The following TBCE variants were observed in gnomAD, a reference collection of about 807,000 sequenced individuals.
The protein encoded by TBCE is tubulin folding cofactor E.
Under a neutral mutation model 77.0 loss-of-function variants are expected in TBCE, and 53 were observed. That is an observed-to-expected ratio of 0.69 (90% CI 0.55 to 0.87). The LOEUF is 0.87. Ranked by LOEUF, TBCE falls within the 40% of genes least tolerant of loss-of-function variation. The pLI is 0.00. For missense variants in TBCE, 624 were observed against 622.4 expected (o/e 1.00, Z -0.03); for synonymous variants, 235 against 241.3 (o/e 0.97, Z 0.24).
intron 2 of TBCE, among the ~76,000 whole-genome samples, chr1:235,391,600 CTTTTTTTTTTTTT>C (rs58265980): frequency 2.3e-5 from 2 of 85,398 alleles, no homozygotes; most frequent in African/African-American, 1.0e-4. Context: ...GCTTCATTTC[CTTTTTTTTTTTTT>C]TTTTTTTTTT....
intron 2 of TBCE, among the ~76,000 whole-genome samples, chr1:235,390,132 A>G (rs917083813): frequency 5.3e-5 from 8 of 152,092 alleles, no homozygotes; most frequent in African/African-American, 1.9e-4. Flanking sequence ...TCAAAAAAAA[A>G]AAGAAAAAGA....
At chr1:235,408,631 C>T (rs1249875058) in intron 3 of TBCE, among the ~76,000 whole-genome samples, 1 of 152,148 alleles carries the variant, frequency 6.6e-6, no homozygotes, top group Non-Finnish European at 1.5e-5. Context: ...GAGCAGTCTA[C>T]AGCAAGGTGC....
intron 8 of TBCE, among the ~76,000 whole-genome samples, chr1:235,434,508 T>G (rs1468287514): frequency 6.6e-6 from 1 of 151,872 alleles, no homozygotes; most frequent in Admixed American, 6.6e-5. Context: ...ATATTAGTTT[T>G]GCATCAGTGT....
Position 235,367,579 on chromosome 1 carries a change from C to T in TBCE, c.-32+75C>T, listed in dbSNP as rs1263265701. On this transcript the variant is annotated intron_variant, in intron 1 of 16. Transcript: ENST00000642610. ...TGCGTCACCCTGCAGTGCTCTTGGC[C>T]TTTTCTTCCTTTCCTGGAATCTTCC... The T allele has an allele frequency of 2.0e-5, 3 of 152,836 alleles. No homozygotes were observed. The East Asian group carries it at 5.8e-4, about 30-fold the overall frequency. 9.5% of individuals were successfully genotyped at this position (152,836 alleles called of 1,614,324 possible). A position where few individuals can be genotyped will look rare whatever the true frequency, so the allele number is the denominator to read the frequency against.
intron 14 of TBCE, among the ~76,000 whole-genome samples, chr1:235,442,094 G>T (rs1681921503): frequency 6.7e-6 from 1 of 150,024 alleles, no homozygotes; most frequent in African/African-American, 2.5e-5. Context: ...TGCAACCTCC[G>T]CCTCCCAGGT....
At chr1:235,428,945 G>A (rs1680912285) in intron 6 of TBCE, among the ~76,000 whole-genome samples, 1 of 140,214 alleles carries the variant, frequency 7.1e-6, no homozygotes, top group South Asian at 2.3e-4. Context: ...CCAGCCTTAT[G>A]TATGTATGTA....
In TBCE at chr1:235,450,344, T is replaced by G; in HGVS notation, c.*1582T>G. On this transcript the variant is annotated 3_prime_UTR_variant, in exon 17 of 17. Coordinates refer to ENST00000642610, the MANE Select transcript of TBCE (RefSeq NM_003193.5). ...TCTCACACAGCCACAGACTGTCCTGTTGAGAAACAACCAAAGCCGATCTGA... is the reference window on the plus strand; with the variant it reads ...TCTCACACAGCCACAGACTGTCCTGGTGAGAAACAACCAAAGCCGATCTGA... 1 of 1,613,890 alleles carries G rather than the reference T, an allele frequency of 6.2e-7. No homozygotes were observed. The highest frequency in any genetic ancestry group is 8.5e-7 in the Non-Finnish European group (1 of 1,179,816).
intron 3 of TBCE, among the ~76,000 whole-genome samples, chr1:235,402,694 G>T (rs1312394786): frequency 6.6e-6 from 1 of 152,044 alleles, no homozygotes. Context: ...GCATGATCAT[G>T]ACTCACTGTC....
chr1:235,426,321 C>G (rs1344811091), intron 5 of TBCE, among the ~76,000 whole-genome samples: 2 of 152,186 alleles, frequency 1.3e-5, no homozygotes, highest in African/African-American at 4.8e-5. Flanking sequence ...GATACTGTTA[C>G]AACTGCTTCC....
At chr1:235,426,786 C>T (rs1312881874) in intron 5 of TBCE, among the ~76,000 whole-genome samples, 3 of 152,184 alleles carry the variant, frequency 2.0e-5, no homozygotes, top group Non-Finnish European at 2.9e-5. Context: ...GCTGGAATTA[C>T]GAGCGCGTGC....
At chr1:235,369,411 G>A (rs1013973814) in intron 1 of TBCE, among the ~76,000 whole-genome samples, 1 of 152,118 alleles carries the variant, frequency 6.6e-6, no homozygotes, top group African/African-American at 2.4e-5. Context: ...GGAGGCTGAG[G>A]CAGAAGAATC....
rs190892926 is a variant in TBCE, at chr1:235,392,659, C to A, written c.101-8844C>A. ...CTGCTGACCTCAGGTGATCCGCCCA[C>A]CTCAGCCTCCCAAAGTGCTGGGATT... is the stretch of plus-strand genomic sequence containing the variant. On this transcript the variant is annotated intron_variant, in intron 2 of 16. Coordinates refer to ENST00000642610, the MANE Select transcript of TBCE (RefSeq NM_003193.5). Among the ~76,000 whole-genome samples, 6 of 151,856 alleles carry A rather than the reference C, an allele frequency of 4.0e-5. No individual in the cohort carries two copies. The East Asian group carries it at 1.2e-3, about 30-fold the overall frequency.
chr1:235,429,273 G>A (rs1167319344), intron 6 of TBCE: 1 of 152,178 alleles, frequency 6.6e-6, no homozygotes, highest in African/African-American at 2.4e-5. Flanking sequence ...ACAGGTGTGA[G>A]CCACCATGTC....
chr1:235,372,509 C>T (rs543329309), intron 1 of TBCE, among the ~76,000 whole-genome samples: 3 of 152,212 alleles, frequency 2.0e-5, no homozygotes, highest in Admixed American at 1.3e-4. Context: ...TGGCTGGGTG[C>T]AGTGGTTCAC....
At chr1:235,398,910 G>A (rs1041546199) in intron 2 of TBCE, among the ~76,000 whole-genome samples, 1 of 151,918 alleles carries the variant, frequency 6.6e-6, no homozygotes, top group African/African-American at 2.4e-5. Flanking sequence ...CTCCCAAAGT[G>A]CTGGGATCAT....
chr1:235,440,526 G>T (rs1162441882), intron 13 of TBCE, among the ~76,000 whole-genome samples: 1 of 152,104 alleles, frequency 6.6e-6, no homozygotes, highest in African/African-American at 2.4e-5. Context: ...CTGAGAAGCT[G>T]GGATTACAGG....
At chr1:235,448,121 A>G (rs1159278477) in intron 15 of TBCE, among the ~76,000 whole-genome samples, 6 of 150,338 alleles carry the variant, frequency 4.0e-5, no homozygotes, top group Non-Finnish European at 7.4e-5. Context: ...AATTGTTTGA[A>G]CCCGGGAAGC....
At chr1:235,375,118 T>C (rs534257542) in intron 1 of TBCE, among the ~76,000 whole-genome samples, 95 of 151,606 alleles carry the variant, frequency 6.3e-4, no homozygotes, top group African/African-American at 2.0e-3. Context: ...GATGGGGTTT[T>C]GCTGTGTTAG....
intron 6 of TBCE, among the ~76,000 whole-genome samples, chr1:235,428,581 T>G (rs1053422919): frequency 6.6e-6 from 1 of 152,120 alleles, no homozygotes; most frequent in South Asian, 2.1e-4. Flanking sequence ...TTTGGTTTAC[T>G]TGAATTTATC....
Sources: allele counts gnomAD v4.1 joint callset (sites outside exome capture counted in the v4.1 genomes callset), GRCh38; gene constraint gnomAD v4.1.1; transcripts MANE v1.5; gene names NCBI Gene and HGNC (gene_info 2026-07-23, HGNC 2026-07-21).